Variants in NRXN3 observed in about 807,000 individuals in gnomAD.
The protein encoded by NRXN3 is neurexin 3, also known as neurexin III.
Under a neutral mutation model 137.6 loss-of-function variants are expected in NRXN3, and 32 were observed. The ratio of observed to expected loss-of-function variants is 0.23; its 90% CI spans 0.18 to 0.31. The LOEUF (loss-of-function observed/expected upper bound fraction) is 0.31, where lower values mean the gene tolerates loss of function less well. Ranked by LOEUF, NRXN3 falls within the 10% of genes least tolerant of loss-of-function variation. The probability of loss-of-function intolerance (pLI) is 1.00; values close to 1 mark genes in which losing one functional copy is unlikely to be tolerated. For missense variants in NRXN3, 1,574 were observed against 2,062.5 expected (o/e 0.76, Z 4.59); for synonymous variants, 798 against 784.5 (o/e 1.02, Z -0.29).
At chr14:78,754,506 C>T (rs1006339963) in intron 8 of NRXN3, among the ~76,000 whole-genome samples, 1 of 152,234 alleles carries the variant, frequency 6.6e-6, no homozygotes, top group African/African-American at 2.4e-5. Flanking sequence ...ATGCAGATCT[C>T]AGTTTCAAGG....
intron 16 of NRXN3, among the ~76,000 whole-genome samples, chr14:79,571,716 G>A (rs1263438698): frequency 6.6e-6 from 1 of 152,154 alleles, no homozygotes; most frequent in Admixed American, 6.6e-5. Context: ...TGTAGTAAGT[G>A]CACTTGTGTG....
intron 3 of NRXN3, among the ~76,000 whole-genome samples, chr14:78,294,573 A>G (rs59648062): frequency 4.3e-5 from 6 of 138,916 alleles, no homozygotes; most frequent in South Asian, 2.4e-4. Context: ...AAAAAAAAAA[A>G]AAAAAAGAAA....
At chr14:79,101,903 G>A (rs1358731739) in intron 15 of NRXN3, among the ~76,000 whole-genome samples, 2 of 152,174 alleles carry the variant, frequency 1.3e-5, no homozygotes, top group South Asian at 2.1e-4. Context: ...CAGGCACAGA[G>A]AAGAGAGTGC....
intron 16 of NRXN3, among the ~76,000 whole-genome samples, chr14:79,556,788 T>C (rs2097434048): frequency 6.6e-6 from 1 of 152,142 alleles, no homozygotes; most frequent in Non-Finnish European, 1.5e-5. Flanking sequence ...ACTTCTGGGC[T>C]CAAGCAGTCC....
At position 79,435,398 on chromosome 14, in the gene NRXN3, T is replaced by C. The variant is rs576854083; in HGVS notation, c.3263-31823T>C. Among the ~76,000 whole-genome samples, 194 of 152,148 alleles carry C rather than the reference T, an allele frequency of 1.3e-3. 1 individual carries two copies. Among genetic ancestry groups the C allele is most frequent in the Non-Finnish European group, 1.2e-3 (82 of 68,016 alleles). ...AGATTGCTAAATAGGAAAAAATCTT[T>C]TGTGCACGTGTTGCTGGTGGGATTG... On this transcript the variant is annotated intron_variant, in intron 15 of 20. Coordinates refer to ENST00000335750, the MANE Select transcript of NRXN3 (RefSeq NM_001330195.2).
At chr14:78,586,161 G>A (rs1600871708) in intron 4 of NRXN3, among the ~76,000 whole-genome samples, 2 of 152,182 alleles carry the variant, frequency 1.3e-5, no homozygotes, top group East Asian at 1.9e-4. Context: ...CAACAGGAGA[G>A]CTGAGTAGTT....
chr14:78,548,884 G>T (rs1275581493), intron 4 of NRXN3, among the ~76,000 whole-genome samples: 4 of 152,186 alleles, frequency 2.6e-5, no homozygotes, highest in Non-Finnish European at 5.9e-5. Context: ...AAGACCTGAA[G>T]AACCTCCAGC....
At chr14:79,548,206 A>G (rs1048110261) in intron 16 of NRXN3, among the ~76,000 whole-genome samples, 1 of 152,008 alleles carries the variant, frequency 6.6e-6, no homozygotes, top group African/African-American at 2.4e-5. Context: ...CCCACCTGAC[A>G]GGTCTCAGTG....
chr14:78,524,502 T>C (rs2096345380), intron 4 of NRXN3, among the ~76,000 whole-genome samples: 1 of 152,222 alleles, frequency 6.6e-6, no homozygotes, highest in African/African-American at 2.4e-5. Context: ...TTAAAAACAC[T>C]GATTCCTAAG....
At chr14:79,776,358 CT>C (rs2099097119) in intron 19 of NRXN3, among the ~76,000 whole-genome samples, 2 of 152,130 alleles carry the variant, frequency 1.3e-5, no homozygotes, top group South Asian at 4.1e-4. Context: ...CAAATTGAGG[CT>C]GTAAAGATTC....
chr14:79,538,009 T>C (rs1201358898), intron 16 of NRXN3, among the ~76,000 whole-genome samples: 2 of 152,212 alleles, frequency 1.3e-5, no homozygotes, highest in African/African-American at 2.4e-5. Flanking sequence ...TGGTGTCTCA[T>C]TGTGGTTTTG....
At chr14:79,802,891 G>A (rs893939606) in intron 19 of NRXN3, among the ~76,000 whole-genome samples, 13 of 151,828 alleles carry the variant, frequency 8.6e-5, no homozygotes, top group South Asian at 4.2e-4. Context: ...TTCTTTTTTC[G>A]GTGTGGAGAA....
chr14:79,358,607 G>GAAAGAAGGAAAGAAAGAAAGAAAGAA (rs10667477), intron 15 of NRXN3, among the ~76,000 whole-genome samples: 16 of 79,982 alleles, frequency 2.0e-4, no homozygotes, highest in African/African-American at 6.7e-4. Context: ...AAGAAAGAAA[G>GAAAGAAGGAAAGAAAGAAAGAAAGAA]AGAAAGAAAG....
intron 10 of NRXN3, among the ~76,000 whole-genome samples, chr14:78,822,710 C>CAA (rs57192355): frequency 1.7e-4 from 21 of 122,626 alleles, no homozygotes; most frequent in South Asian, 7.8e-4. Flanking sequence ...CAAAAACAAA[C>CAA]AAAAAAAAAA....
intron 4 of NRXN3, among the ~76,000 whole-genome samples, chr14:78,306,091 T>A (rs2077345237): frequency 6.6e-6 from 1 of 152,192 alleles, no homozygotes; most frequent in Admixed American, 6.5e-5. Flanking sequence ...TTCAAAAAAG[T>A]GTTAATGTGA....
intron 15 of NRXN3, among the ~76,000 whole-genome samples, chr14:79,353,235 T>C (rs1292637852): frequency 6.6e-6 from 1 of 152,028 alleles, no homozygotes; most frequent in Admixed American, 6.6e-5. Context: ...TAAGCACTTT[T>C]GATCAACTCT....
chr14:78,705,956 C>T (rs2098342967), intron 6 of NRXN3, among the ~76,000 whole-genome samples: 1 of 152,230 alleles, frequency 6.6e-6, no homozygotes. Context: ...TCCGGCTATT[C>T]ACCTTCTCTC....
At chr14:78,433,798 G>A (rs984882344) in intron 4 of NRXN3, among the ~76,000 whole-genome samples, 8 of 152,054 alleles carry the variant, frequency 5.3e-5, no homozygotes, top group African/African-American at 1.9e-4. Context: ...CCAGTCTCCA[G>A]TATTCTATTA....
At chr14:79,236,918 A>G (rs560808526) in intron 15 of NRXN3, among the ~76,000 whole-genome samples, 3 of 152,064 alleles carry the variant, frequency 2.0e-5, no homozygotes, top group African/African-American at 7.2e-5. Flanking sequence ...CTCTAAAAAT[A>G]TATATATTTT....
Sources: gnomAD v4.1 joint callset for allele counts (sites outside exome capture counted in the v4.1 genomes callset) on GRCh38, gnomAD v4.1.1 for gene constraint, MANE v1.5 for transcripts, NCBI Gene and HGNC (gene_info 2026-07-23, HGNC 2026-07-21) for gene names.